NLGN4X: variants seen among roughly 807,000 people sequenced by gnomAD.
NLGN4X encodes neuroligin 4 X-linked, also known as neuroligin-4, X-linked.
NLGN4X carries 3 observed loss-of-function variants against 40.3 expected under a neutral mutation model. That is an observed-to-expected ratio of 0.07 (90% CI 0.03 to 0.19). The LOEUF (loss-of-function observed/expected upper bound fraction) is 0.19, where lower values mean the gene tolerates loss of function less well. NLGN4X is among the 10% of genes least tolerant of loss of function. NLGN4X has a pLI of 1.00. For synonymous variants in NLGN4X, 270 were observed against 306.8 expected (o/e 0.88, Z 1.25); for missense variants, 382 against 708.3 (o/e 0.54, Z 5.23).
chrX:6,073,534 G>T (rs1457479579), intron 2 of NLGN4X, among the ~76,000 whole-genome samples: 1 of 112,090 alleles, frequency 8.9e-6, no homozygotes, highest in African/African-American at 3.2e-5. Flanking sequence ...GGGGAGTGAA[G>T]AAAATGTACT....
intron 2 of NLGN4X, among the ~76,000 whole-genome samples, chrX:6,047,324 A>G (rs1374955277): frequency 9.0e-6 from 1 of 110,963 alleles, no homozygotes; most frequent in Non-Finnish European, 1.9e-5. Context: ...CTAACAACAC[A>G]AAAATTAGCT....
chrX:6,135,795 C>A (rs1011243283), intron 2 of NLGN4X, among the ~76,000 whole-genome samples: 12 of 111,624 alleles, frequency 1.1e-4, no homozygotes, highest in African/African-American at 3.3e-4. Context: ...TCTAAGAAAG[C>A]CAAAGAAGAA....
Position 6,025,731 on chromosome X carries a change from C to T in NLGN4X, c.625+3549G>A, listed in dbSNP as rs376344890. On this transcript the variant is annotated intron_variant, in intron 3 of 5. Transcript: ENST00000381095. ...CCAGCCTGGCCAAAATGGCAAAACCCCGTCTCTACTAAAAATACAAAAATT... is the reference window on the plus strand; with the variant it reads ...CCAGCCTGGCCAAAATGGCAAAACCTCGTCTCTACTAAAAATACAAAAATT... 2.5e-3 allele frequency among the ~76,000 whole-genome samples: 279 copies of T among 109,643 alleles called. 2 individuals are homozygous for T. Among genetic ancestry groups the T allele is most frequent in the African/African-American group, 8.3e-3 (251 of 30,129 alleles).
intron 3 of NLGN4X, among the ~76,000 whole-genome samples, chrX:5,970,800 T>C (rs1006260166): frequency 8.9e-6 from 1 of 112,116 alleles, no homozygotes; most frequent in African/African-American, 3.2e-5. Flanking sequence ...CATCAACTGA[T>C]ACTATACTGT....
At chrX:6,061,861 T>C (rs1221806728) in intron 2 of NLGN4X, 1 of 112,126 alleles carries the variant, frequency 8.9e-6, no homozygotes, top group East Asian at 2.8e-4. Context: ...TGGACAATTA[T>C]GTTCATTTCC....
chrX:6,029,389 G>A lies in NLGN4X; in HGVS notation c.516C>T (p.Ile172=), dbSNP rs182247389. The change falls in exon 3 of 6, where the codon ATC becomes ATT. Residue 172 remains isoleucine, a synonymous_variant. Transcript: ENST00000381095. ...TGCCCTCCATGTAAGATCCCCCATG[G>A]ATATAGACCATGACGGGCTTCTTAC... ...QNSKKPVMVY[I]HGGSYMEGTG... 6.1e-5 allele frequency: 74 copies of A among 1,208,675 alleles called. No homozygotes were observed. In the East Asian group the frequency reaches 2.1e-3, roughly 35 times the overall value.
chrX:6,090,292 A>T (rs1327699868), intron 2 of NLGN4X, among the ~76,000 whole-genome samples: 1 of 111,244 alleles, frequency 9.0e-6, no homozygotes, highest in Non-Finnish European at 1.9e-5. Context: ...TAAAAACTAA[A>T]CTATTTTCAT....
chrX:5,919,744 T>G (rs2032955114), intron 3 of NLGN4X, among the ~76,000 whole-genome samples: 1 of 111,771 alleles, frequency 8.9e-6, no homozygotes, highest in South Asian at 3.8e-4. Context: ...GGTGGAAGTT[T>G]CATACTGAAA....
chrX:5,894,796 G>A (rs937696908), intron 5 of NLGN4X, among the ~76,000 whole-genome samples: 7 of 111,334 alleles, frequency 6.3e-5, no homozygotes, highest in Middle Eastern at 4.6e-3. Context: ...AAACAATTAC[G>A]TCTTAAGGTT....
chrX:6,122,812 C>T (rs994317141), intron 2 of NLGN4X, among the ~76,000 whole-genome samples: 30 of 105,588 alleles, frequency 2.8e-4, no homozygotes, highest in African/African-American at 1.0e-3. Context: ...ACACGAGATA[C>T]CGGGGAGAAG....
At chrX:6,093,806 A>C (rs2038695948) in intron 2 of NLGN4X, among the ~76,000 whole-genome samples, 1 of 111,900 alleles carries the variant, frequency 8.9e-6, no homozygotes, top group South Asian at 3.7e-4. Context: ...ATTTTAAGAG[A>C]TAGCAAGAAT....
intron 2 of NLGN4X, among the ~76,000 whole-genome samples, chrX:6,132,390 C>T (rs2039699818): frequency 9.0e-6 from 1 of 111,185 alleles, no homozygotes; most frequent in African/African-American, 3.3e-5. Flanking sequence ...CAATACAGAG[C>T]CAAGTTTCTC....
intron 3 of NLGN4X, among the ~76,000 whole-genome samples, chrX:6,016,980 G>A (rs768359899): frequency 2.7e-5 from 3 of 111,468 alleles, no homozygotes; most frequent in Non-Finnish European, 5.7e-5. Flanking sequence ...GGAGAGAAGA[G>A]GTATGGGATT....
At chrX:6,199,597 C>T (rs1271577542) in intron 1 of NLGN4X, among the ~76,000 whole-genome samples, 1 of 111,509 alleles carries the variant, frequency 9.0e-6, no homozygotes, top group Non-Finnish European at 1.9e-5. Context: ...CAACACTGCA[C>T]GGCAGATTTG....
chrX:6,029,586 C>CT (rs1445927220), intron 2 of NLGN4X, among the ~76,000 whole-genome samples, 154 bp from the exon 3 acceptor site: 3 of 111,710 alleles, frequency 2.7e-5, no homozygotes, highest in African/African-American at 9.8e-5. Context: ...ATAAGAGTGT[C>CT]TAAGGAAAAT....
intron 3 of NLGN4X, among the ~76,000 whole-genome samples, chrX:5,968,438 C>CCTCTCTCTCTCT (rs758256758): frequency 6.6e-5 from 1 of 15,077 alleles, no homozygotes; most frequent in African/African-American, 3.3e-4. Context: ...TGTAAGTACC[C>CCTCTCTCTCTCT]CTCTCTCTCT....
At chrX:6,151,868 T>C (rs1183750339) in intron 1 of NLGN4X, 97 bp from the exon 2 acceptor site, 2 of 222,893 alleles carry the variant, frequency 9.0e-6, no homozygotes, top group African/African-American at 5.7e-5. Context: ...CATCTCTCTA[T>C]GAAATTCCTA....
intron 2 of NLGN4X, among the ~76,000 whole-genome samples, chrX:6,104,527 G>GCTCT (rs34616814): frequency 9.7e-6 from 1 of 103,344 alleles, no homozygotes; most frequent in African/African-American, 3.5e-5. Flanking sequence ...GATCTTTTTT[G>GCTCT]CTCTCTCTCT....
chrX:6,103,133 T>C (rs1160325352), intron 2 of NLGN4X, among the ~76,000 whole-genome samples: 1 of 112,003 alleles, frequency 8.9e-6, no homozygotes, highest in African/African-American at 3.2e-5. Flanking sequence ...TAAGCATATA[T>C]TTGGAAAAGA....
Sources: gnomAD v4.1 joint callset for allele counts (sites outside exome capture counted in the v4.1 genomes callset) on GRCh38, gnomAD v4.1.1 for gene constraint, MANE v1.5 for transcripts, NCBI Gene and HGNC (gene_info 2026-07-23, HGNC 2026-07-21) for gene names.